The following ESRRB variants were observed in gnomAD, a reference collection of about 807,000 sequenced individuals.
The protein encoded by ESRRB is steroid hormone receptor ERR2.
A neutral mutation model predicts 46.0 loss-of-function variants in ESRRB; 16 were observed. That is an observed-to-expected ratio of 0.35 (90% CI 0.24 to 0.53). The LOEUF is 0.53. Among genes scored for constraint, ESRRB ranks in the 20% least tolerant of loss-of-function variants. The pLI, the probability that ESRRB is intolerant of heterozygous loss-of-function variation, is 0.93. For missense variants in ESRRB, 488 were observed against 607.4 expected (o/e 0.80, Z 2.07); for synonymous variants, 246 against 259.6 (o/e 0.95, Z 0.50).
chr14:76,469,744 A>T (rs1889278000), intron 3 of ESRRB, among the ~76,000 whole-genome samples: 1 of 152,058 alleles, frequency 6.6e-6, no homozygotes. Flanking sequence ...AGATATTGCT[A>T]CCTGATCCCA....
chr14:76,358,389 A>G (rs1265640624), intron 1 of ESRRB, among the ~76,000 whole-genome samples: 1 of 105,794 alleles, frequency 9.5e-6, no homozygotes, highest in African/African-American at 3.5e-5. Flanking sequence ...GAAAGAAAGA[A>G]AGAAAGAAAG....
intron 1 of ESRRB, among the ~76,000 whole-genome samples, chr14:76,420,298 G>C (rs1357361391): frequency 6.6e-6 from 1 of 152,112 alleles, no homozygotes; most frequent in African/African-American, 2.4e-5. Flanking sequence ...CTGCTTTCCA[G>C]GAAGGGACAA....
At chr14:76,330,121 T>C (rs1383240974) in intron 1 of ESRRB, among the ~76,000 whole-genome samples, 1 of 152,060 alleles carries the variant, frequency 6.6e-6, no homozygotes, top group East Asian at 1.9e-4. Flanking sequence ...TCCCTCTCTC[T>C]GTGTACCCAT....
At position 76,501,032 on chromosome 14, in the gene ESRRB, C is replaced by T. The variant is rs8017684; in HGVS notation, c.*2574C>T. On this transcript the variant is annotated 3_prime_UTR_variant, in exon 7 of 7. Transcript: ENST00000644823. ...ATCCTGGCCAGATGAGGACCCTCTC[C>T]GGGGAAGGGAGAGGACTGACTTAGT... 1.3e-5 allele frequency: 6 copies of T among 461,702 alleles called. No homozygotes were observed. The highest frequency in any genetic ancestry group is 5.3e-5 in the South Asian group (2 of 37,928). The allele number at this position is 461,702 out of a possible 1,614,324, so 28.6% of individuals were successfully genotyped here.
chr14:76,496,046 G>C (rs1478964273), intron 6 of ESRRB, among the ~76,000 whole-genome samples: 6 of 152,184 alleles, frequency 3.9e-5, no homozygotes, highest in Non-Finnish European at 5.9e-5. Flanking sequence ...CCTGACCTTT[G>C]TGAGTCTCAG....
intron 1 of ESRRB, among the ~76,000 whole-genome samples, chr14:76,378,597 T>A (rs1474615406): frequency 6.6e-6 from 1 of 152,064 alleles, no homozygotes; most frequent in African/African-American, 2.4e-5. Context: ...CTGTCAGATG[T>A]CATTTCTCAA....
At chr14:76,332,399 A>G (rs554921499) in intron 1 of ESRRB, among the ~76,000 whole-genome samples, 1 of 139,878 alleles carries the variant, frequency 7.1e-6, no homozygotes, top group South Asian at 2.2e-4. Flanking sequence ...CCTGGGCTCA[A>G]GCCATCCTTC....
intron 1 of ESRRB, among the ~76,000 whole-genome samples, chr14:76,321,638 T>G (rs1883868355): frequency 6.6e-6 from 1 of 152,216 alleles, no homozygotes; most frequent in South Asian, 2.1e-4. Flanking sequence ...TTTTCAAGTG[T>G]GCCTCCCCTG....
intron 1 of ESRRB, among the ~76,000 whole-genome samples, chr14:76,351,949 C>T (rs1415280355): frequency 6.9e-6 from 1 of 144,640 alleles, no homozygotes; most frequent in Non-Finnish European, 1.5e-5. Context: ...GGCACTACTG[C>T]ACTCGAGCCT....
At chr14:76,474,107 C>T (rs1481590477) in intron 3 of ESRRB, among the ~76,000 whole-genome samples, 2 of 152,244 alleles carry the variant, frequency 1.3e-5, no homozygotes, top group Admixed American at 6.5e-5. Flanking sequence ...AGTGTTGGGG[C>T]TGTGTGCCCT....
At chr14:76,416,302 A>G (rs1434774237) in intron 1 of ESRRB, among the ~76,000 whole-genome samples, 3 of 151,776 alleles carry the variant, frequency 2.0e-5, no homozygotes, top group Non-Finnish European at 2.9e-5. Context: ...CACCCAGCTA[A>G]TTTTGTATTT....
At chr14:76,444,735 C>A (rs1474860586) in intron 2 of ESRRB, among the ~76,000 whole-genome samples, 1 of 152,178 alleles carries the variant, frequency 6.6e-6, no homozygotes, top group Non-Finnish European at 1.5e-5. Context: ...ACAGGCGTAG[C>A]ACTGTGCTCC....
chr14:76,460,213 C>T (rs1195483500), intron 2 of ESRRB, among the ~76,000 whole-genome samples: 1 of 152,228 alleles, frequency 6.6e-6, no homozygotes, highest in Non-Finnish European at 1.5e-5. Context: ...TCCCCTACTA[C>T]CCACCAGGCG....
intron 1 of ESRRB, among the ~76,000 whole-genome samples, chr14:76,317,435 A>T (rs1344892242): frequency 1.3e-5 from 2 of 151,790 alleles, no homozygotes; most frequent in African/African-American, 4.8e-5. Context: ...GGTCTCAGGA[A>T]GGAACCTATC....
chr14:76,430,269 A>G (rs1270828807), intron 1 of ESRRB, among the ~76,000 whole-genome samples: 1 of 152,196 alleles, frequency 6.6e-6, no homozygotes, highest in Non-Finnish European at 1.5e-5. Context: ...ATCTGCTTTA[A>G]TGGATAGCTC....
chr14:76,324,963 C>CTTTTTTTTTTTTTT (rs34780208), intron 1 of ESRRB, among the ~76,000 whole-genome samples: 8 of 102,210 alleles, frequency 7.8e-5, no homozygotes, highest in African/African-American at 3.0e-4. Flanking sequence ...TTTTCTTTTT[C>CTTTTTTTTTTTTTT]TTTTTTTTTT....
intron 1 of ESRRB, among the ~76,000 whole-genome samples, chr14:76,419,308 C>A (rs555854489): frequency 6.6e-6 from 1 of 152,336 alleles, no homozygotes; most frequent in Non-Finnish European, 1.5e-5. Flanking sequence ...AGCCACCGCA[C>A]ACGGCTGAGA....
chr14:76,334,366 A>G (rs1884100396), intron 1 of ESRRB, among the ~76,000 whole-genome samples: 1 of 152,172 alleles, frequency 6.6e-6, no homozygotes, highest in East Asian at 1.9e-4. Context: ...TCCCAGGTGA[A>G]GGGATGGGGT....
chr14:76,346,584 TG>T (rs1884253003), intron 1 of ESRRB, among the ~76,000 whole-genome samples: 2 of 152,186 alleles, frequency 1.3e-5, no homozygotes, highest in Non-Finnish European at 2.9e-5. Context: ...GACCTGAGCC[TG>T]GATTTCTGGC....
Sources: gnomAD v4.1 joint callset for allele counts (sites outside exome capture counted in the v4.1 genomes callset) on GRCh38, gnomAD v4.1.1 for gene constraint, MANE v1.5 for transcripts, NCBI Gene and HGNC (gene_info 2026-07-23, HGNC 2026-07-21) for gene names.